CDKAL1: variants seen among roughly 807,000 people sequenced by gnomAD.
CDKAL1 encodes the protein CDKAL1 threonylcarbamoyladenosine tRNA methylthiotransferase.
CDKAL1 carries 32 observed loss-of-function variants against 68.2 expected under a neutral mutation model. The observed-to-expected ratio is 0.47, with a 90% confidence interval of 0.35 to 0.63. The LOEUF is 0.63. CDKAL1 is among the 30% of genes least tolerant of loss of function. The pLI, the probability that CDKAL1 is intolerant of heterozygous loss-of-function variation, is 0.00. For missense variants in CDKAL1, 606 were observed against 696.7 expected (o/e 0.87, Z 1.47); for synonymous variants, 234 against 244.3 (o/e 0.96, Z 0.39).
chr6:21,079,883 G>T (rs1319569499), intron 12 of CDKAL1, among the ~76,000 whole-genome samples: 2 of 151,628 alleles, frequency 1.3e-5, no homozygotes, highest in African/African-American at 4.9e-5. Flanking sequence ...CTACTTGCCA[G>T]TTACAGGATT....
intron 9 of CDKAL1, among the ~76,000 whole-genome samples, chr6:20,909,359 C>T (rs1040646977): frequency 3.3e-5 from 5 of 152,022 alleles, no homozygotes; most frequent in African/African-American, 1.2e-4. Context: ...TGGGTCAGAC[C>T]GTCCAAAGAA....
chr6:20,978,654 ATAATT>A (rs1322952171), intron 10 of CDKAL1, among the ~76,000 whole-genome samples: 1 of 152,198 alleles, frequency 6.6e-6, no homozygotes, highest in African/African-American at 2.4e-5. Context: ...CTACAAGCTA[ATAATT>A]TATTACTGAG....
intron 5 of CDKAL1, among the ~76,000 whole-genome samples, chr6:20,654,930 TAAGTTG>T (rs1315059519): frequency 6.6e-6 from 1 of 152,238 alleles, no homozygotes; most frequent in East Asian, 1.9e-4. Flanking sequence ...TATCTGTTTT[TAAGTTG>T]AACAAGGAAT....
intron 15 of CDKAL1, among the ~76,000 whole-genome samples, chr6:21,206,079 C>T (rs1778923135): frequency 6.6e-6 from 1 of 151,990 alleles, no homozygotes; most frequent in Non-Finnish European, 1.5e-5. Context: ...GATCCGCCCG[C>T]CTTAGCCTCC....
chr6:20,837,743 A>ATAT (rs1439659379), intron 8 of CDKAL1, among the ~76,000 whole-genome samples: 1 of 76,000 alleles, frequency 1.3e-5, no homozygotes, highest in African/African-American at 3.2e-5. Flanking sequence ...TCACTTCAGC[A>ATAT]TATAATAATA....
At chr6:21,157,383 T>C (rs1462557833) in intron 13 of CDKAL1, among the ~76,000 whole-genome samples, 1 of 152,140 alleles carries the variant, frequency 6.6e-6, no homozygotes, top group Non-Finnish European at 1.5e-5. Flanking sequence ...AGTGGGAGGA[T>C]AGCCTGGAGT....
chr6:20,904,969 G>A (rs1185240658), intron 9 of CDKAL1, among the ~76,000 whole-genome samples: 3 of 152,216 alleles, frequency 2.0e-5, no homozygotes, highest in Non-Finnish European at 4.4e-5. Flanking sequence ...AAACCCTTGG[G>A]AAGGAAGAAA....
At chr6:20,886,106 AATAG>A (rs1284722427) in intron 9 of CDKAL1, among the ~76,000 whole-genome samples, 1 of 152,216 alleles carries the variant, frequency 6.6e-6, no homozygotes, top group Non-Finnish European at 1.5e-5. Context: ...AAAAGATTTG[AATAG>A]ATATTTTTCA....
chr6:20,940,525 C>T (rs1031123019), intron 9 of CDKAL1, among the ~76,000 whole-genome samples: 3 of 151,998 alleles, frequency 2.0e-5, no homozygotes, highest in Non-Finnish European at 4.4e-5. Flanking sequence ...TCGTTATATC[C>T]AAAATGCTAA....
chr6:21,009,108 T>C (rs1389763748), intron 11 of CDKAL1, among the ~76,000 whole-genome samples: 4 of 152,234 alleles, frequency 2.6e-5, no homozygotes, highest in East Asian at 1.9e-4. Context: ...ACATATTATA[T>C]ACAAAATCTT....
intron 12 of CDKAL1, among the ~76,000 whole-genome samples, chr6:21,087,923 A>G (rs1304603013): frequency 2.0e-5 from 3 of 152,072 alleles, no homozygotes; most frequent in Non-Finnish European, 4.4e-5. Flanking sequence ...TCTAACATCC[A>G]ACTGTGGTCC....
Position 20,758,598 on chromosome 6 carries a change from C to A in CDKAL1, c.472C>A (p.Gln158Lys), listed in dbSNP as rs367636141. The A allele has an allele frequency of 5.0e-6, 8 of 1,586,216 alleles. No individual in the cohort carries two copies. Among genetic ancestry groups the A allele is most frequent in the Non-Finnish European group, 6.9e-6 (8 of 1,166,630 alleles). Residue 158 changes from glutamine to lysine, a missense_variant, in exon 7 of 16, where the codon CAG (glutamine) becomes AAG (lysine). Coordinates refer to ENST00000274695, the MANE Select transcript of CDKAL1 (RefSeq NM_017774.3). ...AATCGTTTTTTTTTTTTTCCAGGTTCAGCAGATAGATCGTGTGGTAGAAGT... is the reference window on the plus strand; with the variant it reads ...AATCGTTTTTTTTTTTTTCCAGGTTAAGCAGATAGATCGTGTGGTAGAAGT... Reference protein sequence around the residue: ...YLKGLSIIGVQQIDRVVEVVE... With the variant: ...YLKGLSIIGVKQIDRVVEVVE...
intron 4 of CDKAL1, among the ~76,000 whole-genome samples, chr6:20,556,502 T>C (rs898795086): frequency 1.8e-4 from 28 of 152,230 alleles, no homozygotes; most frequent in African/African-American, 6.5e-4. Context: ...TTTTGGAAAT[T>C]CTAGTGGATT....
chr6:20,826,039 T>C (rs891367354), intron 8 of CDKAL1, among the ~76,000 whole-genome samples: 1 of 152,158 alleles, frequency 6.6e-6, no homozygotes, highest in Admixed American at 6.6e-5. Flanking sequence ...TACTTGTAAT[T>C]ATATCATTTC....
intron 10 of CDKAL1, among the ~76,000 whole-genome samples, chr6:20,974,978 CAAA>C (rs11330322): frequency 1.1e-4 from 7 of 62,902 alleles, no homozygotes; most frequent in Non-Finnish European, 1.2e-4. Context: ...GACCCTATCT[CAAA>C]AAAAAAAAAA....
At chr6:21,144,295 C>T (rs1489159206) in intron 13 of CDKAL1, among the ~76,000 whole-genome samples, 1 of 152,160 alleles carries the variant, frequency 6.6e-6, no homozygotes, top group Non-Finnish European at 1.5e-5. Flanking sequence ...TTGTGAAGGT[C>T]AAATGCAATA....
intron 4 of CDKAL1, among the ~76,000 whole-genome samples, chr6:20,580,507 T>C (rs1765099749): frequency 6.6e-6 from 1 of 152,146 alleles, no homozygotes; most frequent in African/African-American, 2.4e-5. Context: ...TCATCCTTGC[T>C]GGACTGTGAG....
chr6:20,718,190 C>A (rs185384636), intron 5 of CDKAL1, among the ~76,000 whole-genome samples: 9 of 152,332 alleles, frequency 5.9e-5, no homozygotes, highest in Non-Finnish European at 8.8e-5. Context: ...ATCTCTCAAT[C>A]TTGTATTCCA....
At chr6:20,846,259 G>A (rs1778371350) in intron 9 of CDKAL1, 81 bp downstream of exon 9, 6 of 765,324 alleles carry the variant, frequency 7.8e-6, no homozygotes, top group Non-Finnish European at 1.3e-5. Flanking sequence ...TCAGTTTAGA[G>A]ACCAACTTCT....
Sources: allele counts gnomAD v4.1 joint callset (sites outside exome capture counted in the v4.1 genomes callset), GRCh38; gene constraint gnomAD v4.1.1; transcripts MANE v1.5; gene names NCBI Gene and HGNC (gene_info 2026-07-23, HGNC 2026-07-21).